Variants in CDK6 observed in about 807,000 individuals in gnomAD.
CDK6 encodes the protein cyclin-dependent kinase 6.
A neutral mutation model predicts 37.1 loss-of-function variants in CDK6; 6 were observed. That is an observed-to-expected ratio of 0.16 (90% CI 0.09 to 0.32). The LOEUF is 0.32. Ranked by LOEUF, CDK6 falls within the 10% of genes least tolerant of loss-of-function variation. CDK6 has a pLI of 1.00. For missense variants in CDK6, 224 were observed against 418.9 expected, an observed-to-expected ratio of 0.53 and a Z score of 4.06; for synonymous variants, 160 against 161.3, an observed-to-expected ratio of 0.99 and a Z score of 0.06.
rs200802807 is a variant in CDK6 at position 92,627,931 on chromosome 7, T to TA, written c.648-4846dup. Reference sequence around the variant, plus strand: ...CATCCACATACACACAAAAATAAATTAAAAAAAAAACTGCTAGGAAAACTG... The same window carrying TA: ...CATCCACATACACACAAAAATAAATTAAAAAAAAAAACTGCTAGGAAAACTG... On this transcript the variant is annotated intron_variant, in intron 5 of 7. Transcript: ENST00000424848. 6.4e-3 allele frequency among the ~76,000 whole-genome samples: 960 copies of TA among 148,952 alleles called. 18 individuals carry two copies. Among genetic ancestry groups the TA allele is most frequent in the East Asian group, 0.035 (179 of 5,108 alleles).
At chr7:92,649,688 G>A (rs759312950) in intron 5 of CDK6, among the ~76,000 whole-genome samples, 6 of 152,176 alleles carry the variant, frequency 3.9e-5, no homozygotes, top group Non-Finnish European at 8.8e-5. Flanking sequence ...ACTGAGGCAC[G>A]GGTGGTTCTG....
chr7:92,633,616 A>T (rs989508042), intron 5 of CDK6, among the ~76,000 whole-genome samples: 1 of 146,372 alleles, frequency 6.8e-6, no homozygotes, highest in African/African-American at 2.6e-5. Context: ...CTGGTTAACA[A>T]AGCTAGCCTT....
intron 5 of CDK6, among the ~76,000 whole-genome samples, chr7:92,657,997 C>G (rs979542126): frequency 3.9e-5 from 6 of 152,152 alleles, no homozygotes; most frequent in African/African-American, 1.4e-4. Context: ...GCTGGGATTA[C>G]AGATGTAAGG....
intron 4 of CDK6, among the ~76,000 whole-genome samples, chr7:92,722,118 A>G (rs1798382179): frequency 2.0e-5 from 3 of 152,270 alleles, no homozygotes; most frequent in South Asian, 2.1e-4. Context: ...AAAGAAGCTA[A>G]TAATACAAGC....
chr7:92,688,510 G>A (rs184072703), intron 4 of CDK6, among the ~76,000 whole-genome samples: 69 of 144,558 alleles, frequency 4.8e-4, no homozygotes, highest in African/African-American at 1.6e-3. Flanking sequence ...CTTCTATGTC[G>A]GACTTAGCAA....
In CDK6 at chr7:92,612,348, T is replaced by C. The variant is rs1795579754; in HGVS notation, c.*2792A>G. On this transcript the variant is annotated 3_prime_UTR_variant, in exon 8 of 8. Coordinates refer to ENST00000424848, the MANE Select transcript of CDK6 (RefSeq NM_001145306.2). The stretch of plus-strand genomic sequence containing the variant: ...ACCACTGCTTAGCTTTTGGCAAAGA[T>C]GTTTGAAACCATATGTTACAGAAGA... 8.6e-6 allele frequency: 2 copies of C among 233,156 alleles called. No individual in the cohort carries two copies. The highest frequency in any genetic ancestry group is 4.4e-5 in the African/African-American group (2 of 45,376). 14.4% of individuals were successfully genotyped at this position (233,156 alleles called of 1,614,324 possible).
rs1795840992 is a variant in CDK6 at position 92,623,021 on chromosome 7, A to G, written c.698+15T>C. The G allele has an allele frequency of 6.6e-7, 1 of 1,520,980 alleles. No homozygotes were observed. The highest frequency in any genetic ancestry group is 9.1e-7 in the Non-Finnish European group (1 of 1,104,852). 94.2% of individuals were successfully genotyped at this position (1,520,980 alleles called of 1,614,324 possible). ...ATGCTATGGACACTGGTGTAAAATT[A>G]TAATTATTACTTACTCCAAGATTTT... On this transcript the variant is annotated intron_variant, in intron 6 of 7. Coordinates refer to ENST00000424848, the MANE Select transcript of CDK6 (RefSeq NM_001145306.2).
chr7:92,765,473 G>A (rs1450182185), intron 3 of CDK6, among the ~76,000 whole-genome samples: 2 of 152,026 alleles, frequency 1.3e-5, no homozygotes, highest in African/African-American at 4.8e-5. Flanking sequence ...AGAACTGAAT[G>A]CGCAAGTGCA....
chr7:92,749,562 G>A (rs1016679245), intron 3 of CDK6, among the ~76,000 whole-genome samples: 3 of 152,276 alleles, frequency 2.0e-5, no homozygotes, highest in Middle Eastern at 6.8e-3. Flanking sequence ...AAATTCTTCA[G>A]GGTATTCATA....
intron 3 of CDK6, among the ~76,000 whole-genome samples, chr7:92,730,587 T>A (rs564641769): frequency 6.6e-6 from 1 of 152,226 alleles, no homozygotes; most frequent in Admixed American, 6.5e-5. Flanking sequence ...TCTGTTTCTA[T>A]GAATCTGACA....
chr7:92,613,393 ACT>A lies in CDK6; in HGVS notation c.*1745_*1746del. 1 of 233,698 alleles carries A rather than the reference ACT, an allele frequency of 4.3e-6. No homozygotes were observed. The highest frequency in any genetic ancestry group is 8.5e-6 in the Non-Finnish European group (1 of 118,050). The allele number at this position is 233,698 out of a possible 1,614,324, so 14.5% of individuals were successfully genotyped here. A position where few individuals can be genotyped will look rare whatever the true frequency, so the allele number is the denominator to read the frequency against. ...GTTGCATGATCTAACTGTTGCATGC[ACT>A]CTGAGTCAGAAAGCACAGGTGGCTA... On this transcript the variant is annotated 3_prime_UTR_variant, in exon 8 of 8. Transcript: ENST00000424848.
chr7:92,672,012 G>GA (rs957749528), intron 4 of CDK6, among the ~76,000 whole-genome samples: 10 of 150,766 alleles, frequency 6.6e-5, no homozygotes, highest in African/African-American at 1.2e-4. Flanking sequence ...GGGTGAAGGA[G>GA]AAAAAACTAC....
chr7:92,693,070 T>TA (rs1435849225), intron 4 of CDK6, among the ~76,000 whole-genome samples: 2 of 152,244 alleles, frequency 1.3e-5, no homozygotes, highest in African/African-American at 4.8e-5. Context: ...TTGGTTCACC[T>TA]ACCAAACAAA....
chr7:92,779,201 C>G (rs1036833578), intron 2 of CDK6, among the ~76,000 whole-genome samples: 84 of 152,198 alleles, frequency 5.5e-4, no homozygotes, highest in African/African-American at 1.8e-3. Flanking sequence ...TTATACTGCT[C>G]TCTTCAAAAT....
intron 3 of CDK6, among the ~76,000 whole-genome samples, chr7:92,742,761 C>T (rs1442602962): frequency 1.4e-5 from 2 of 147,212 alleles, no homozygotes; most frequent in East Asian, 2.0e-4. Flanking sequence ...ACACACACAC[C>T]CCTTTTGTAC....
intron 2 of CDK6, among the ~76,000 whole-genome samples, chr7:92,799,322 T>C (rs188727065): frequency 7.2e-5 from 11 of 152,140 alleles, no homozygotes; most frequent in Non-Finnish European, 1.2e-4. Flanking sequence ...TTCCACCTCT[T>C]GGACGCACCT....
At chr7:92,718,629 G>A (rs925558834) in intron 4 of CDK6, among the ~76,000 whole-genome samples, 49 of 152,118 alleles carry the variant, frequency 3.2e-4, no homozygotes, top group Admixed American at 3.1e-3. Context: ...TGCATGACGC[G>A]CACATTCACA....
intron 2 of CDK6, among the ~76,000 whole-genome samples, chr7:92,813,609 C>T (rs1800945139): frequency 6.6e-6 from 1 of 152,210 alleles, no homozygotes; most frequent in South Asian, 2.1e-4. Context: ...TGTGTCCTTA[C>T]AGTACAGAGC....
intron 3 of CDK6, among the ~76,000 whole-genome samples, chr7:92,762,121 CA>C (rs1799469796): frequency 1.3e-5 from 2 of 152,176 alleles, no homozygotes; most frequent in East Asian, 3.9e-4. Context: ...TTGAGGTTTA[CA>C]AGATCAATTG....
Sources: gnomAD v4.1 joint callset for allele counts (sites outside exome capture counted in the v4.1 genomes callset) on GRCh38, gnomAD v4.1.1 for gene constraint, MANE v1.5 for transcripts, NCBI Gene and HGNC (gene_info 2026-07-23, HGNC 2026-07-21) for gene names.